ARHGEF38: variants seen among roughly 807,000 people sequenced by gnomAD.
The protein encoded by ARHGEF38 is Rho guanine nucleotide exchange factor (GEF) 38.
ARHGEF38 carries 79 observed loss-of-function variants against 79.9 expected under a neutral mutation model. The observed-to-expected ratio is 0.99, with a 90% CI of 0.82 to 1.19. The LOEUF is 1.19. Among genes scored for constraint, ARHGEF38 ranks in the 50% most tolerant of loss-of-function variants. The probability of loss-of-function intolerance (pLI) is 0.00; values close to 1 mark genes in which losing one functional copy is unlikely to be tolerated. For missense variants in ARHGEF38, 962 were observed against 907.2 expected (o/e 1.06, Z -0.78); for synonymous variants, 366 against 328.3 (o/e 1.11, Z -1.24).
intron 2 of ARHGEF38, among the ~76,000 whole-genome samples, chr4:105,594,957 T>C (rs1727513363): frequency 1.3e-5 from 2 of 152,188 alleles, no homozygotes; most frequent in African/African-American, 2.4e-5. Context: ...ATACTCTATG[T>C]TTTTGGCTAT....
chr4:105,585,981 T>C (rs199331), intron 1 of ARHGEF38, among the ~76,000 whole-genome samples: 38,289 of 151,744 alleles, frequency 0.25, 5,733 homozygotes, highest in South Asian at 0.54. Context: ...TCCACCCACC[T>C]CGGCCTCCCA....
rs1429724483 is a variant in ARHGEF38, at chr4:105,667,535, T to C, written c.1980T>C (p.Asp660=). Residue 660 remains aspartate, a synonymous_variant, in exon 13 of 14, where the codon GAT becomes GAC. Transcript: ENST00000420470. ...ATGCTGAGAACAGGTTCTGTGACGA[T>C]GATTTTGAGAACATCAGCCTCTTCG... ...KVDAENRFCD[D]DFENISLFVS... 2.6e-6 allele frequency: 4 copies of C among 1,536,596 alleles called. No individual in the cohort carries two copies. The highest frequency in any genetic ancestry group is 2.6e-6 in the Non-Finnish European group (3 of 1,147,024).
chr4:105,612,840 T>G (rs941049239), intron 2 of ARHGEF38, among the ~76,000 whole-genome samples: 1 of 152,072 alleles, frequency 6.6e-6, no homozygotes, highest in Non-Finnish European at 1.5e-5. Flanking sequence ...GTTAAGGGTG[T>G]GCATGAAATA....
At chr4:105,594,158 C>T (rs1727468814) in intron 2 of ARHGEF38, among the ~76,000 whole-genome samples, 1 of 152,202 alleles carries the variant, frequency 6.6e-6, no homozygotes, top group African/African-American at 2.4e-5. Context: ...CTTTTTCCCA[C>T]TTCTCAAAAC....
In ARHGEF38 at chr4:105,659,183, A is replaced by G. The variant is rs13147012; in HGVS notation, c.1363A>G (p.Thr455Ala). Residue 455 changes from threonine (T) to alanine (A), a missense_variant, in exon 10 of 14, where the codon ACG (threonine) becomes GCG (alanine). Coordinates refer to ENST00000420470, the MANE Select transcript of ARHGEF38 (RefSeq NM_001242729.2). ...LDCNSYLQRS[T>A]GEESDLAKKE... is the part of the protein sequence containing the mutation. Reference sequence around the variant, plus strand: ...TTGCAACAGCTACCTGCAGCGATCAACGGGAGAGGAGTCAGACTTGGCCAA... The same window carrying G: ...TTGCAACAGCTACCTGCAGCGATCAGCGGGAGAGGAGTCAGACTTGGCCAA... 0.25 allele frequency: 378,333 copies of G among 1,535,972 alleles called. 58,577 individuals are homozygous for G. Among genetic ancestry groups the G allele is most frequent in the African/African-American group, 0.76 (55,424 of 73,084 alleles).
chr4:105,652,159 A>G (rs748897565), intron 7 of ARHGEF38, among the ~76,000 whole-genome samples: 19 of 152,182 alleles, frequency 1.2e-4, no homozygotes, highest in Non-Finnish European at 2.2e-4. Context: ...AAGGGACAGT[A>G]GGAGGAATGT....
intron 6 of ARHGEF38, among the ~76,000 whole-genome samples, chr4:105,647,403 G>T: frequency 6.7e-6 from 1 of 150,260 alleles, no homozygotes; most frequent in Non-Finnish European, 1.5e-5. Flanking sequence ...AATTAATATT[G>T]CCTTCTTTTT....
chr4:105,620,936 T>G (rs1441027257), intron 3 of ARHGEF38, among the ~76,000 whole-genome samples: 1 of 152,194 alleles, frequency 6.6e-6, no homozygotes, highest in African/African-American at 2.4e-5. Context: ...GCCTGACAAT[T>G]TCTACTTTCA....
At chr4:105,669,680 A>ATTACAAAGTTGTACAAGTTTAGTATAT (rs1730894685) in intron 13 of ARHGEF38, among the ~76,000 whole-genome samples, 1 of 152,078 alleles carries the variant, frequency 6.6e-6, no homozygotes, top group African/African-American at 2.4e-5. Context: ...TTTAGTATAT[A>ATTACAAAGTTGTACAAGTTTAGTATAT]TTACAAAGTT....
rs559582911 is a variant in ARHGEF38, at chr4:105,631,949, G to A, written c.656+904G>A. ...TTAAACAACCACAGAGAGCTGTGGT[G>A]TATAAGTCAATGTACACCCGTCTGA... On this transcript the variant is annotated intron_variant, in intron 4 of 13. Coordinates refer to ENST00000420470, the MANE Select transcript of ARHGEF38 (RefSeq NM_001242729.2). Among the ~76,000 whole-genome samples the A allele has an allele frequency of 6.6e-5, 10 of 152,224 alleles. No homozygotes were observed. The South Asian group carries it at 2.1e-3, about 32-fold the overall frequency.
At chr4:105,573,058 TG>T (rs1726313610) in intron 1 of ARHGEF38, among the ~76,000 whole-genome samples, 1 of 8,692 alleles carries the variant, frequency 1.2e-4, no homozygotes, top group Non-Finnish European at 2.3e-4. Context: ...TCTATTCAAG[TG>T]CCTTTGCTCA....
At chr4:105,559,620 T>A (rs931059184) in intron 1 of ARHGEF38, among the ~76,000 whole-genome samples, 5 of 152,118 alleles carry the variant, frequency 3.3e-5, no homozygotes, top group Non-Finnish European at 7.4e-5. Flanking sequence ...AATATATTTA[T>A]CAAGACAGAA....
chr4:105,651,522 G>A lies in ARHGEF38; in HGVS notation c.1009-2543G>A, dbSNP rs185083583. 4.2e-4 allele frequency among the ~76,000 whole-genome samples: 64 copies of A among 152,286 alleles called. No homozygotes were observed. The East Asian group carries it at 0.01, about 24-fold the overall frequency. On this transcript the variant is annotated intron_variant, in intron 7 of 13. Transcript: ENST00000420470. The stretch of plus-strand genomic sequence containing the variant: ...TTCAGACTGCTTGGGGTTGAATCCT[G>A]ATCCTACTATACCGTGGGTAAGTTT...
chr4:105,636,926 G>A (rs1162367253), intron 5 of ARHGEF38, among the ~76,000 whole-genome samples: 1 of 152,042 alleles, frequency 6.6e-6, no homozygotes, highest in East Asian at 1.9e-4. Context: ...AGGTGAAATA[G>A]TTGGTTACTA....
At chr4:105,554,001 G>A (rs889299637) in intron 1 of ARHGEF38, among the ~76,000 whole-genome samples, 1 of 151,916 alleles carries the variant, frequency 6.6e-6, no homozygotes, top group Non-Finnish European at 1.5e-5. Flanking sequence ...TAAATTAAAT[G>A]CATTTAAATT....
intron 2 of ARHGEF38, among the ~76,000 whole-genome samples, chr4:105,603,566 A>G (rs1326716592): frequency 2.0e-5 from 3 of 152,050 alleles, no homozygotes; most frequent in Admixed American, 6.5e-5. Flanking sequence ...AAGCCACTAG[A>G]TCCAATTGCA....
intron 1 of ARHGEF38, among the ~76,000 whole-genome samples, chr4:105,569,064 C>T (rs983221666): frequency 6.6e-6 from 1 of 152,012 alleles, no homozygotes; most frequent in African/African-American, 2.4e-5. Context: ...CAGAGGGGAA[C>T]CTTAATCTAA....
intron 2 of ARHGEF38, among the ~76,000 whole-genome samples, chr4:105,610,150 T>C (rs1477237408): frequency 1.3e-5 from 2 of 151,964 alleles, no homozygotes; most frequent in Non-Finnish European, 1.5e-5. Flanking sequence ...AAGTGGGAGC[T>C]GAACAATGAG....
At chr4:105,635,764 T>A (rs1375946988) in intron 4 of ARHGEF38, among the ~76,000 whole-genome samples, 1 of 152,018 alleles carries the variant, frequency 6.6e-6, no homozygotes, top group East Asian at 1.9e-4. Context: ...CTTTAAACAG[T>A]CGTGAATAAT....
Sources: allele counts gnomAD v4.1 joint callset (sites outside exome capture counted in the v4.1 genomes callset), GRCh38; gene constraint gnomAD v4.1.1; transcripts MANE v1.5; gene names NCBI Gene and HGNC (gene_info 2026-07-23, HGNC 2026-07-21).